The following PPME1 variants were observed in gnomAD, a reference collection of about 807,000 sequenced individuals.
PPME1 encodes protein phosphatase methylesterase 1, also known as testicular secretory protein Li 39.
Under a neutral mutation model 56.9 loss-of-function variants are expected in PPME1, and 17 were observed. The ratio of observed to expected loss-of-function variants is 0.30; its 90% CI spans 0.20 to 0.45. The LOEUF is 0.45. Among genes scored for constraint, PPME1 ranks in the 20% least tolerant of loss-of-function variants. The probability of loss-of-function intolerance (pLI) is 1.00; values close to 1 mark genes in which losing one functional copy is unlikely to be tolerated. For missense variants in PPME1, 357 were observed against 483.2 expected, an observed-to-expected ratio of 0.74 and a Z score of 2.45; for synonymous variants, 122 against 156.2, an observed-to-expected ratio of 0.78 and a Z score of 1.63.
rs1859768088 is a variant in PPME1 at position 74,253,876 on chromosome 11, A to G, written c.*366A>G. The G allele has an allele frequency of 2.7e-6, 1 of 368,310 alleles. No individual in the cohort carries two copies. The highest frequency in any genetic ancestry group is 4.9e-5 in the East Asian group (1 of 20,214). The allele number at this position is 368,310 out of a possible 1,614,324, so 22.8% of individuals were successfully genotyped here. On this transcript the variant is annotated 3_prime_UTR_variant, in exon 14 of 14. Coordinates refer to ENST00000328257, the MANE Select transcript of PPME1 (RefSeq NM_016147.3). ...TGAGTTCAAATGTCTTCCCAGGCTC[A>G]GGGACCTCCATTCCTTGAGATTGTC...
chr11:74,193,859 T>G (rs1479318996), intron 1 of PPME1, among the ~76,000 whole-genome samples: 2 of 152,234 alleles, frequency 1.3e-5, no homozygotes, highest in Non-Finnish European at 2.9e-5. Context: ...TTATTTTATA[T>G]TGTATTTGAT....
chr11:74,191,750 A>G (rs1325863663), intron 1 of PPME1, among the ~76,000 whole-genome samples: 1 of 152,188 alleles, frequency 6.6e-6, no homozygotes. Flanking sequence ...AGCCTTGACC[A>G]CTTCCATGTG....
At chr11:74,201,434 T>C (rs1858163762) in intron 1 of PPME1, among the ~76,000 whole-genome samples, 1 of 152,170 alleles carries the variant, frequency 6.6e-6, no homozygotes, top group African/African-American at 2.4e-5. Context: ...ATATTTAGAC[T>C]ACAAAAAGAA....
rs914743801 is a variant in PPME1 at position 74,226,788 on chromosome 11, T to G, written c.398+1532T>G. Among the ~76,000 whole-genome samples, 4 of 152,138 alleles carry G rather than the reference T, an allele frequency of 2.6e-5. 1 individual carries two copies. The highest frequency in any genetic ancestry group is 9.7e-5 in the African/African-American group (4 of 41,430). On this transcript the variant is annotated intron_variant, in intron 5 of 13. Transcript: ENST00000328257. Reference sequence around the variant, plus strand: ...AAGAGAAACCATGTAGTAATTTGAATAAGTAAAGTTGAATATAAAGAATTA... The same window carrying G: ...AAGAGAAACCATGTAGTAATTTGAAGAAGTAAAGTTGAATATAAAGAATTA...
At chr11:74,209,090 G>C (rs1858404141) in intron 3 of PPME1, among the ~76,000 whole-genome samples, 1 of 151,934 alleles carries the variant, frequency 6.6e-6, no homozygotes, top group Non-Finnish European at 1.5e-5. Flanking sequence ...GGTAACAGTA[G>C]AGGGGGCTAT....
intron 1 of PPME1, among the ~76,000 whole-genome samples, chr11:74,182,784 C>G (rs1385353832): frequency 1.3e-5 from 2 of 152,100 alleles, no homozygotes; most frequent in Admixed American, 6.5e-5. Context: ...CTCTTTTAAC[C>G]ACTAGGAACT....
chr11:74,184,960 G>A (rs1353674421), intron 1 of PPME1, among the ~76,000 whole-genome samples: 1 of 141,460 alleles, frequency 7.1e-6, no homozygotes, highest in African/African-American at 2.6e-5. Flanking sequence ...TTGCCCTAAT[G>A]ATATTTACTG....
chr11:74,237,927 A>G (rs1321488777), intron 8 of PPME1: 1 of 152,210 alleles, frequency 6.6e-6, no homozygotes, highest in Non-Finnish European at 1.5e-5. Flanking sequence ...AATTTGTCTA[A>G]TCAGTAGTAA....
chr11:74,230,145 CCCA>C lies in PPME1; in HGVS notation c.399-99_399-97del. Reference sequence around the variant, plus strand: ...ATGGCCCAATAGACTTTTACAGTTTCCCAGCACTGTTACACACCAAAGAAAGGA... The same window carrying C: ...ATGGCCCAATAGACTTTTACAGTTTCGCACTGTTACACACCAAAGAAAGGA... On this transcript the variant is annotated intron_variant, in intron 5 of 13. Transcript: ENST00000328257. The surrounding 1 kb of genome is among the most constrained non-coding windows in gnomAD (Gnocchi z 4.9). The C allele has an allele frequency of 7.6e-7, 1 of 1,318,756 alleles. No individual in the cohort carries two copies. The highest frequency in any genetic ancestry group is 1.0e-6 in the Non-Finnish European group (1 of 959,794). 81.7% of individuals were successfully genotyped at this position (1,318,756 alleles called of 1,614,324 possible).
At chr11:74,179,563 A>C (rs181150268) in intron 1 of PPME1, among the ~76,000 whole-genome samples, 12 of 152,270 alleles carry the variant, frequency 7.9e-5, no homozygotes, top group Admixed American at 7.8e-4. Flanking sequence ...GCTCTGGGAA[A>C]GTTATTTAGT....
chr11:74,216,135 A>G (rs1181928373), intron 3 of PPME1, among the ~76,000 whole-genome samples: 3 of 152,238 alleles, frequency 2.0e-5, no homozygotes, highest in South Asian at 2.1e-4. Flanking sequence ...TGCACTATAT[A>G]TCAAATGGAC....
At chr11:74,251,267 G>A (rs2135685130) in intron 12 of PPME1, 1 of 1,371,598 alleles carries the variant, frequency 7.3e-7, no homozygotes, top group South Asian at 1.9e-5. Context: ...AAGATCTTAA[G>A]CTCTACTTCT....
intron 1 of PPME1, among the ~76,000 whole-genome samples, chr11:74,192,641 G>T (rs1268838693): frequency 6.6e-6 from 1 of 152,178 alleles, no homozygotes; most frequent in East Asian, 1.9e-4. Flanking sequence ...GATCATGGAT[G>T]CAGATCCCTC....
chr11:74,240,658 T>C (rs1859332975), intron 9 of PPME1, among the ~76,000 whole-genome samples: 1 of 152,226 alleles, frequency 6.6e-6, no homozygotes, highest in Admixed American at 6.5e-5. Flanking sequence ...ACTTTGTACC[T>C]CTTTAGAGTT....
chr11:74,205,663 C>T (rs1391430722), intron 3 of PPME1: 2 of 152,182 alleles, frequency 1.3e-5, no homozygotes, highest in East Asian at 3.8e-4. Context: ...TAATGTGTTA[C>T]ACTTTTTTGT....
intron 3 of PPME1, among the ~76,000 whole-genome samples, chr11:74,215,030 C>T (rs1193863480): frequency 6.6e-6 from 1 of 152,056 alleles, no homozygotes; most frequent in African/African-American, 2.4e-5. Flanking sequence ...ATAAACAGTA[C>T]AATAATATAT....
chr11:74,194,961 G>A (rs1010518480), intron 1 of PPME1, among the ~76,000 whole-genome samples: 1 of 152,154 alleles, frequency 6.6e-6, no homozygotes, highest in African/African-American at 2.4e-5. Context: ...TCAGACAGCA[G>A]GCAGTCCTAT....
At chr11:74,207,364 G>A (rs1044695241) in intron 3 of PPME1, among the ~76,000 whole-genome samples, 3 of 152,320 alleles carry the variant, frequency 2.0e-5, no homozygotes, top group East Asian at 3.9e-4. Context: ...TTCACCAGAA[G>A]TTCTATTATG....
At chr11:74,178,279 A>T (rs556352315) in intron 1 of PPME1, among the ~76,000 whole-genome samples, 64 of 152,194 alleles carry the variant, frequency 4.2e-4, no homozygotes, top group Middle Eastern at 6.8e-3. Context: ...TTGTCTTTTA[A>T]TTTTTTCCCA....
Sources: gnomAD v4.1 joint callset for allele counts (sites outside exome capture counted in the v4.1 genomes callset) on GRCh38, gnomAD v4.1.1 for gene constraint, Gnocchi (gnomAD v3.1) non-coding constraint, MANE v1.5 for transcripts, NCBI Gene and HGNC (gene_info 2026-07-23, HGNC 2026-07-21) for gene names.